VDAC2: variants seen among roughly 807,000 people sequenced by gnomAD.
The protein encoded by VDAC2 is voltage dependent anion channel 2, also known as non-selective voltage-gated ion channel VDAC2.
In VDAC2, 6 loss-of-function variants were observed where a neutral mutation model predicts 36.6. The ratio of observed to expected loss-of-function variants is 0.16; its 90% confidence interval spans 0.09 to 0.32. The LOEUF (loss-of-function observed/expected upper bound fraction) is 0.32, where lower values mean the gene tolerates loss of function less well. VDAC2 is among the 10% of genes least tolerant of loss of function. The pLI is 1.00. For synonymous variants in VDAC2, 109 were observed against 123.8 expected (o/e 0.88, Z 0.79); for missense variants, 247 against 346.0 (o/e 0.71, Z 2.27).
chr10:75,216,139 G>A (rs1264696137), intron 4 of VDAC2, among the ~76,000 whole-genome samples: 1 of 152,200 alleles, frequency 6.6e-6, no homozygotes, highest in Non-Finnish European at 1.5e-5. Flanking sequence ...CAAGTTAACA[G>A]GTTACAGAGC....
chr10:75,215,653 A>T (rs1261040793), intron 4 of VDAC2, among the ~76,000 whole-genome samples: 1 of 149,946 alleles, frequency 6.7e-6, no homozygotes, highest in African/African-American at 2.5e-5. Flanking sequence ...CGCCCGGCCT[A>T]TATAGACATT....
At chr10:75,226,726 T>G (rs1841964176) in intron 8 of VDAC2, among the ~76,000 whole-genome samples, 1 of 152,172 alleles carries the variant, frequency 6.6e-6, no homozygotes, top group African/African-American at 2.4e-5. Context: ...GCTCCCAAAG[T>G]GCCGGGGTAA....
chr10:75,219,402 C>T (rs1440364205), intron 6 of VDAC2, 46 bp downstream of exon 6: 1 of 1,469,592 alleles, frequency 6.8e-7, no homozygotes, highest in South Asian at 1.3e-5. Context: ...AAGTATTTCT[C>T]TTTTGTATAT....
At chr10:75,219,681 C>T (rs1043775436) in intron 6 of VDAC2, among the ~76,000 whole-genome samples, 4 of 151,058 alleles carry the variant, frequency 2.6e-5, no homozygotes, top group South Asian at 2.1e-4. Context: ...GGCGGGGTTT[C>T]GCCATGTTGG....
At chr10:75,227,934 G>T (rs895678947) in intron 8 of VDAC2, among the ~76,000 whole-genome samples, 1 of 145,246 alleles carries the variant, frequency 6.9e-6, no homozygotes, top group African/African-American at 2.6e-5. Flanking sequence ...TCGCTCAGTA[G>T]CCCAGGCTGG....
chr10:75,214,583 G>A (rs1841539352), intron 4 of VDAC2, among the ~76,000 whole-genome samples: 2 of 151,966 alleles, frequency 1.3e-5, no homozygotes, highest in Admixed American at 1.3e-4. Context: ...GGAGTGCAAT[G>A]GTGTGATTGT....
intron 4 of VDAC2, chr10:75,217,960 T>C (rs1841657756): frequency 7.8e-7 from 1 of 1,288,218 alleles, no homozygotes; most frequent in Admixed American, 2.3e-5. Context: ...GGCGTGGTGA[T>C]GCTTGTGATC....
Position 75,231,073 on chromosome 10 carries a change from T to G in VDAC2, c.*84T>G. The G allele has an allele frequency of 1.0e-6, 1 of 990,868 alleles. No individual in the cohort carries two copies. The allele number at this position is 990,868 out of a possible 1,614,324, so 61.4% of individuals were successfully genotyped here. ...CATTGTGACCAGCAGCAGGCTTTTTTCCCCCAAGAAGATGATCAAAACAAA... is the reference window on the plus strand; with the variant it reads ...CATTGTGACCAGCAGCAGGCTTTTTGCCCCCAAGAAGATGATCAAAACAAA... On this transcript the variant is annotated 3_prime_UTR_variant, in exon 10 of 10. Coordinates refer to ENST00000332211, the MANE Select transcript of VDAC2 (RefSeq NM_001391963.1).
chr10:75,225,896 C>T (rs1841938839), intron 8 of VDAC2, among the ~76,000 whole-genome samples: 1 of 152,042 alleles, frequency 6.6e-6, no homozygotes, highest in South Asian at 2.1e-4. Flanking sequence ...GGGTTCAAGC[C>T]ATTCTTGTGC....
At chr10:75,219,481 C>A in intron 6 of VDAC2, 125 bp downstream of exon 6, 1 of 780,390 alleles carries the variant, frequency 1.3e-6, no homozygotes, top group East Asian at 2.9e-5. Flanking sequence ...ATCTCTGTAT[C>A]TGCTTTTATT....
intron 8 of VDAC2, among the ~76,000 whole-genome samples, chr10:75,228,387 T>C (rs908031745): frequency 2.6e-5 from 4 of 152,084 alleles, no homozygotes; most frequent in East Asian, 3.9e-4. Context: ...CCCACTTCCC[T>C]GGTAGTTGGG....
At chr10:75,221,067 C>G (rs1841799632) in intron 7 of VDAC2, 97 bp downstream of exon 7, 4 of 1,264,732 alleles carry the variant, frequency 3.2e-6, no homozygotes, top group Non-Finnish European at 4.4e-6. Context: ...TAAAGGATTT[C>G]TCATAACATT....
intron 3 of VDAC2, 93 bp downstream of exon 3, chr10:75,212,391 A>G (rs1841451868): frequency 8.9e-7 from 1 of 1,124,878 alleles, no homozygotes; most frequent in Admixed American, 2.4e-5. Context: ...GCAAATTGTA[A>G]ATATCTTGCT....
At chr10:75,227,577 A>ATTTTTTTTTTTTTTTTTTTTTT (rs35378957) in intron 8 of VDAC2, among the ~76,000 whole-genome samples, 3 of 99,932 alleles carry the variant, frequency 3.0e-5, no homozygotes, top group African/African-American at 1.3e-4. Context: ...AATAATAGGA[A>ATTTTTTTTTTTTTTTTTTTTTT]TTTTTTTTTT....
At position 75,220,960 on chromosome 10, in the gene VDAC2, C is replaced by T. The variant is rs1841796194; in HGVS notation, c.574C>T (p.His192Tyr). Residue 192 changes from histidine (H) to tyrosine (Y), a missense_variant, in exon 7 of 10, where the codon CAC becomes TAC. Physicochemically the swap from His to Tyr is moderately conservative, Grantham distance 83 (BLOSUM62 2). Transcript: ENST00000332211. ...VGYRTGDFQL[H>Y]TNVNDGTEFG... is the part of the protein sequence containing the mutation. ...CTACAGGACTGGGGACTTCCAGCTA[C>T]ACACTAATGTGTAAGTATTTCTTTC... 2 of 1,612,434 alleles carry T rather than the reference C, an allele frequency of 1.2e-6. No individual in the cohort carries two copies. The highest frequency in any genetic ancestry group is 1.7e-6 in the Non-Finnish European group (2 of 1,178,922).
intron 6 of VDAC2, among the ~76,000 whole-genome samples, chr10:75,219,922 G>A (rs1841753315): frequency 6.6e-6 from 1 of 150,576 alleles, no homozygotes; most frequent in Non-Finnish European, 1.5e-5. Context: ...CTGCCTCCCG[G>A]GTTTAAGTGA....
intron 4 of VDAC2, among the ~76,000 whole-genome samples, chr10:75,215,721 GTTTTT>G (rs796837971): frequency 7.4e-6 from 1 of 135,876 alleles, no homozygotes; most frequent in Non-Finnish European, 1.6e-5. Flanking sequence ...TTTTTGTTTT[GTTTTT>G]TTTTTTTTCC....
chr10:75,213,988 C>A (rs753636982), intron 3 of VDAC2, 33 bp from the exon 4 acceptor site: 2 of 1,609,670 alleles, frequency 1.2e-6, no homozygotes, highest in Admixed American at 3.3e-5. Context: ...ACAAAGGAAT[C>A]ATTTTGTTTC....
chr10:75,213,922 T>C, intron 3 of VDAC2, 99 bp from the exon 4 acceptor site: 1 of 1,129,146 alleles, frequency 8.9e-7, no homozygotes, highest in Non-Finnish European at 1.3e-6. Flanking sequence ...CACCTCTGAA[T>C]ATGTGGAATC....
Sources: allele counts gnomAD v4.1 joint callset (sites outside exome capture counted in the v4.1 genomes callset), GRCh38; gene constraint gnomAD v4.1.1; transcripts MANE v1.5; gene names NCBI Gene and HGNC (gene_info 2026-07-23, HGNC 2026-07-21).